The following GRIA1 variants were observed in gnomAD, a reference collection of about 807,000 sequenced individuals.
The protein encoded by GRIA1 is glutamate ionotropic receptor AMPA type subunit 1, also known as glutamate receptor 1.
A neutral mutation model predicts 99.2 loss-of-function variants in GRIA1; 31 were observed. The observed-to-expected ratio is 0.31, with a 90% CI of 0.23 to 0.42. The LOEUF (loss-of-function observed/expected upper bound fraction) is 0.42. Ranked by LOEUF, GRIA1 falls within the 10% of genes least tolerant of loss-of-function variation. The pLI, the probability that GRIA1 is intolerant of heterozygous loss-of-function variation, is 1.00. For synonymous variants in GRIA1, 438 were observed against 432.4 expected, an observed-to-expected ratio of 1.01 and a Z score of -0.16; for missense variants, 782 against 1,157.5, an observed-to-expected ratio of 0.68 and a Z score of 4.71.
intron 8 of GRIA1, among the ~76,000 whole-genome samples, chr5:153,689,605 A>G (rs982030568): frequency 1.4e-4 from 21 of 152,296 alleles, no homozygotes; most frequent in Admixed American, 3.9e-4. Flanking sequence ...AGAGACTTCT[A>G]TGCCATTTCT....
chr5:153,607,431 T>C (rs1019424939), intron 2 of GRIA1, among the ~76,000 whole-genome samples: 2 of 152,050 alleles, frequency 1.3e-5, no homozygotes, highest in Admixed American at 1.3e-4. Context: ...CATTGATTTT[T>C]TTCATATCTT....
At position 153,811,129 on chromosome 5, in the gene GRIA1, T is replaced by A. The variant is rs1180323618; in HGVS notation, c.2625T>A (p.Asn875Lys). The A allele has an allele frequency of 6.2e-7, 1 of 1,613,950 alleles. No individual in the cohort carries two copies. Among genetic ancestry groups the A allele is most frequent in the Non-Finnish European group, 8.5e-7 (1 of 1,179,984 alleles). The change falls in exon 16 of 16, where the codon AAT becomes AAA. Residue 875 changes from asparagine (N) to lysine (K), a missense_variant. Transcript: ENST00000285900. ...AGASSGGSGE[N>K]GRVVSHDFPK... is the part of the protein sequence containing the mutation. ...CCAGCAGCGGCGGCAGTGGAGAGAATGGTCGGGTGGTCAGCCATGACTTCC... is the reference window on the plus strand; with the variant it reads ...CCAGCAGCGGCGGCAGTGGAGAGAAAGGTCGGGTGGTCAGCCATGACTTCC...
intron 5 of GRIA1, among the ~76,000 whole-genome samples, chr5:153,672,166 G>A (rs915111896): frequency 2.0e-5 from 3 of 152,194 alleles, no homozygotes; most frequent in South Asian, 2.1e-4. Context: ...ACATGTCAGT[G>A]TAGAACTCAC....
chr5:153,609,602 C>T (rs951431646), intron 2 of GRIA1, among the ~76,000 whole-genome samples: 12 of 125,596 alleles, frequency 9.6e-5, no homozygotes, highest in African/African-American at 3.5e-4. Context: ...CTTGCTCTGT[C>T]ACCCAGGCTG....
rs531983464 is a variant in GRIA1 at position 153,625,730 on chromosome 5, C to T, written c.221-21198C>T. 2.6e-5 allele frequency among the ~76,000 whole-genome samples: 4 copies of T among 152,316 alleles called. No individual in the cohort carries two copies. In the East Asian group the frequency reaches 7.7e-4, roughly 29 times the overall value. On this transcript the variant is annotated intron_variant, in intron 2 of 15. Coordinates refer to ENST00000285900, the MANE Select transcript of GRIA1 (RefSeq NM_000827.4). ...TCAGCCTTGAAAGAGAAAATTCAAA[C>T]AGGATCCAGTGAAGTTTCTATAGCA...
chr5:153,497,362 A>G (rs1754543329), intron 2 of GRIA1, among the ~76,000 whole-genome samples: 1 of 152,228 alleles, frequency 6.6e-6, no homozygotes, highest in South Asian at 2.1e-4. Flanking sequence ...GATTATTACT[A>G]TTAGAGGTCT....
chr5:153,639,637 C>A (rs1039142934), intron 2 of GRIA1, among the ~76,000 whole-genome samples: 1 of 152,164 alleles, frequency 6.6e-6, no homozygotes, highest in Non-Finnish European at 1.5e-5. Flanking sequence ...TTCGCAGCAT[C>A]CAAAATGGCC....
At chr5:153,720,150 A>T (rs1457911249) in intron 11 of GRIA1, among the ~76,000 whole-genome samples, 1 of 152,238 alleles carries the variant, frequency 6.6e-6, no homozygotes, top group Non-Finnish European at 1.5e-5. Context: ...ATACTTTGGG[A>T]AACTAAGGTT....
chr5:153,490,275 C>G (rs76557604), upstream of GRIA1: 286 of 175,394 alleles, frequency 1.6e-3, 1 homozygote, highest in African/African-American at 6.6e-3. Flanking sequence ...TACTGACTTA[C>G]AGCTGAACCC....
chr5:153,789,689 G>C (rs1481648872), intron 13 of GRIA1, among the ~76,000 whole-genome samples: 1 of 152,150 alleles, frequency 6.6e-6, no homozygotes, highest in Non-Finnish European at 1.5e-5. Context: ...AGGTAAGTTA[G>C]AGCTAACGAG....
chr5:153,732,700 T>C (rs1359379099), intron 11 of GRIA1, among the ~76,000 whole-genome samples: 1 of 152,094 alleles, frequency 6.6e-6, no homozygotes, highest in African/African-American at 2.4e-5. Context: ...ATTGCTTCCT[T>C]TGATGTATGG....
intron 2 of GRIA1, among the ~76,000 whole-genome samples, chr5:153,607,084 A>G (rs1475735232): frequency 7.5e-6 from 1 of 132,664 alleles, no homozygotes; most frequent in East Asian, 1.9e-4. Context: ...CAGTTTCTTT[A>G]TCCACTCGTT....
intron 2 of GRIA1, among the ~76,000 whole-genome samples, chr5:153,500,610 T>TAC (rs35636352): frequency 0.094 from 11,225 of 119,804 alleles, 469 homozygotes; most frequent in Middle Eastern, 0.14. Flanking sequence ...CCCTCTTACA[T>TAC]ACACACACAC....
At chr5:153,527,181 A>C (rs1757677685) in intron 2 of GRIA1, among the ~76,000 whole-genome samples, 2 of 152,184 alleles carry the variant, frequency 1.3e-5, no homozygotes, top group African/African-American at 4.8e-5. Context: ...AATCGCAAAA[A>C]TTCAAAATCC....
At chr5:153,673,561 C>G (rs932957639) in intron 5 of GRIA1, among the ~76,000 whole-genome samples, 2 of 152,156 alleles carry the variant, frequency 1.3e-5, no homozygotes, top group Non-Finnish European at 2.9e-5. Context: ...ACTGAGTGAA[C>G]CAATGCCTAA....
intron 13 of GRIA1, among the ~76,000 whole-genome samples, chr5:153,784,859 A>C (rs1172454860): frequency 1.3e-5 from 2 of 152,174 alleles, no homozygotes; most frequent in Non-Finnish European, 1.5e-5. Flanking sequence ...TAAGGAGTGC[A>C]TCTAGGACCC....
intron 11 of GRIA1, among the ~76,000 whole-genome samples, chr5:153,737,964 T>G (rs540233433): frequency 4.1e-4 from 63 of 152,268 alleles, no homozygotes; most frequent in Middle Eastern, 3.4e-3. Flanking sequence ...ATTTAAAAGT[T>G]AACTGCTAAG....
intron 11 of GRIA1, among the ~76,000 whole-genome samples, chr5:153,737,869 ACCTCGCCT>A (rs1190757281): frequency 1.3e-5 from 2 of 152,228 alleles, no homozygotes; most frequent in Non-Finnish European, 2.9e-5. Flanking sequence ...TATACCAGGT[ACCTCGCCT>A]CCTCCTTTAT....
At chr5:153,709,104 G>A (rs1183916615) in intron 11 of GRIA1, among the ~76,000 whole-genome samples, 1 of 152,232 alleles carries the variant, frequency 6.6e-6, no homozygotes, top group East Asian at 1.9e-4. Context: ...ATCAAAGTTA[G>A]AGACTAAGAA....
Sources: allele counts gnomAD v4.1 joint callset (sites outside exome capture counted in the v4.1 genomes callset), GRCh38; gene constraint gnomAD v4.1.1; transcripts MANE v1.5; gene names NCBI Gene and HGNC (gene_info 2026-07-23, HGNC 2026-07-21).